Variants in EVI5 observed in about 807,000 individuals in gnomAD.
EVI5 encodes the protein ecotropic viral integration site 5 protein homolog.
A neutral mutation model predicts 112.0 loss-of-function variants in EVI5; 73 were observed. The ratio of observed to expected loss-of-function variants is 0.65; its 90% CI spans 0.54 to 0.79. EVI5 has a LOEUF of 0.79. EVI5 is among the 30% of genes least tolerant of loss of function. The probability of loss-of-function intolerance (pLI) is 0.00; values close to 1 mark genes in which losing one functional copy is unlikely to be tolerated. For synonymous variants in EVI5, 305 were observed against 319.9 expected (o/e 0.95, Z 0.50); for missense variants, 900 against 968.8 (o/e 0.93, Z 0.94).
At chr1:92,593,839 A>T (rs1441554791) in intron 18 of EVI5, among the ~76,000 whole-genome samples, 1 of 152,208 alleles carries the variant, frequency 6.6e-6, no homozygotes, top group Non-Finnish European at 1.5e-5. Flanking sequence ...AAGAGAATAA[A>T]ATACCTAGGA....
At chr1:92,716,903 C>T (rs1276228024) in intron 2 of EVI5, among the ~76,000 whole-genome samples, 1 of 151,252 alleles carries the variant, frequency 6.6e-6, no homozygotes, top group Non-Finnish European at 1.5e-5. Context: ...TCCTCGCCAG[C>T]AACGGAACAA....
At chr1:92,526,363 A>G (rs1661884170) in intron 19 of EVI5, among the ~76,000 whole-genome samples, 1 of 152,222 alleles carries the variant, frequency 6.6e-6, no homozygotes, top group Non-Finnish European at 1.5e-5. Context: ...CCAGCCACCA[A>G]TTATTCTTTC....
At chr1:92,729,728 G>A (rs915968414) in intron 2 of EVI5, among the ~76,000 whole-genome samples, 4 of 152,064 alleles carry the variant, frequency 2.6e-5, no homozygotes, top group Non-Finnish European at 5.9e-5. Context: ...ATAGTTATAT[G>A]TATTTTTTAT....
At position 92,704,669 on chromosome 1, in the gene EVI5, C is replaced by T. The variant is rs940838954; in HGVS notation, c.225G>A (p.Ser75=). 6.2e-7 allele frequency: 1 copy of T among 1,604,654 alleles called. No individual in the cohort carries two copies. The highest frequency in any genetic ancestry group is 8.5e-7 in the Non-Finnish European group (1 of 1,173,888). ...TGAGGTTGCTAGAGGCTGATGAACT[C>T]GACACAAGAGAAGAGCCACTGTTTC... is the stretch of plus-strand genomic sequence containing the variant. ...SRRNSGSSLV[S]SSSASSNLSH... is the part of the protein sequence containing the mutation. Residue 75 remains serine (S), a synonymous_variant, in exon 3 of 20, where the codon TCG becomes TCA. Transcript: ENST00000684568.
chr1:92,792,388 T>C, exon 1 of EVI5: 1 of 1,609,914 alleles, frequency 6.2e-7, no homozygotes, highest in East Asian at 2.2e-5. Context: ...ATTTTGTTGG[T>C]AACCATGATA....
intron 19 of EVI5, among the ~76,000 whole-genome samples, chr1:92,549,802 C>T (rs1037145266): frequency 3.9e-5 from 6 of 152,140 alleles, no homozygotes; most frequent in African/African-American, 1.4e-4. Context: ...CAGTGAGACA[C>T]CATCTCACAC....
chr1:92,624,174 A>G lies in EVI5; in HGVS notation c.1827+2T>C, dbSNP rs200657241. On this transcript the variant is annotated splice_donor_variant, in intron 16 of 19. Transcript: ENST00000684568. LOFTEE classifies it high-confidence loss of function. ...TAAAGATACTGGGCTTTCCCATCAT[A>G]CCTGTGTTTCCATTTCCATCATCCT... is the stretch of plus-strand genomic sequence containing the variant. 2.5e-5 allele frequency: 41 copies of G among 1,612,236 alleles called. No individual in the cohort carries two copies. The highest frequency in any genetic ancestry group is 3.3e-5 in the Non-Finnish European group (39 of 1,178,792).
chr1:92,665,150 A>G (rs1664670651), intron 11 of EVI5, among the ~76,000 whole-genome samples: 1 of 152,194 alleles, frequency 6.6e-6, no homozygotes, highest in Non-Finnish European at 1.5e-5. Context: ...GGCTGCAGTG[A>G]GCCAAGATTG....
chr1:92,781,592 T>TA (rs1021102903), intron 1 of EVI5, among the ~76,000 whole-genome samples: 1 of 151,922 alleles, frequency 6.6e-6, no homozygotes, highest in Non-Finnish European at 1.5e-5. Context: ...ATTGATTTCT[T>TA]AAATAGGACA....
chr1:92,541,467 T>C lies in EVI5; in HGVS notation c.2166+22175A>G, dbSNP rs191739110. ...CTTAATCGAAAAAATAAATAATAAA[T>C]GTTAGTAAGAATGTGGATAAATCAA... On this transcript the variant is annotated intron_variant, in intron 19 of 19. Transcript: ENST00000684568. Among the ~76,000 whole-genome samples, 259 of 152,208 alleles carry C rather than the reference T, an allele frequency of 1.7e-3. 2 individuals carry two copies. The highest frequency in any genetic ancestry group is 0.01 in the Middle Eastern group (3 of 294).
intron 16 of EVI5, among the ~76,000 whole-genome samples, chr1:92,610,169 G>A (rs1026204287): frequency 6.6e-6 from 1 of 152,200 alleles, no homozygotes; most frequent in African/African-American, 2.4e-5. Context: ...TCACAGGCAT[G>A]AGTCACTGCA....
chr1:92,681,218 G>T (rs143192968), intron 9 of EVI5, among the ~76,000 whole-genome samples: 1 of 152,122 alleles, frequency 6.6e-6, no homozygotes, highest in Non-Finnish European at 1.5e-5. Context: ...TATGTTAAAG[G>T]AGAGAAAAGT....
At chr1:92,682,941 T>C (rs1016792951) in intron 9 of EVI5, among the ~76,000 whole-genome samples, 8 of 152,188 alleles carry the variant, frequency 5.3e-5, no homozygotes, top group African/African-American at 1.7e-4. Flanking sequence ...AGTGTAAATA[T>C]AGTTAAAAAG....
At position 92,539,560 on chromosome 1, in the gene EVI5, A is replaced by AAACC. The variant is rs1553174064; in HGVS notation, c.2166+24081_2166+24082insGGTT. ...TCCATCTCAAAAAAAAAAAAAAAAA[A>AAACC]AAAAAATCTTGAACCCATTCTCCCA... On this transcript the variant is annotated intron_variant, in intron 19 of 19. Transcript: ENST00000684568. Among the ~76,000 whole-genome samples, 95 of 137,676 alleles carry AAACC rather than the reference A, an allele frequency of 6.9e-4. 6 individuals are homozygous for AAACC. Among genetic ancestry groups the AAACC allele is most frequent in the African/African-American group, 1.0e-3 (37 of 36,670 alleles). 90.3% of individuals were successfully genotyped at this position (137,676 alleles called of 152,430 possible).
chr1:92,573,756 G>C lies in EVI5; in HGVS notation c.2071-10019C>G, dbSNP rs559991809. The stretch of plus-strand genomic sequence containing the variant: ...AATTTTGAACTCAAATCCCCTTCTT[G>C]GTTAACCCAGCTCTCAAGCAGAAAA... On this transcript the variant is annotated intron_variant, in intron 18 of 19. Coordinates refer to ENST00000684568, the MANE Select transcript of EVI5 (RefSeq NM_001350197.2). Among the ~76,000 whole-genome samples the C allele has an allele frequency of 6.1e-4, 92 of 152,042 alleles. 2 individuals are homozygous for C. Among genetic ancestry groups the C allele is most frequent in the East Asian group, 1.5e-3 (8 of 5,166 alleles).
intron 18 of EVI5, among the ~76,000 whole-genome samples, chr1:92,589,531 C>CT (rs1285253085): frequency 6.6e-6 from 1 of 152,180 alleles, no homozygotes; most frequent in African/African-American, 2.4e-5. Context: ...GCACAGCAGT[C>CT]TGAGATCAAA....
intron 13 of EVI5, among the ~76,000 whole-genome samples, chr1:92,643,777 A>G (rs1230826322): frequency 6.6e-6 from 1 of 152,208 alleles, no homozygotes; most frequent in Admixed American, 6.5e-5. Flanking sequence ...TTCTATTGTA[A>G]CATAACTATA....
chr1:92,777,733 C>A (rs1403485943), intron 1 of EVI5, among the ~76,000 whole-genome samples: 1 of 152,154 alleles, frequency 6.6e-6, no homozygotes, highest in Admixed American at 6.5e-5. Flanking sequence ...ACACACACAT[C>A]TAATTTTGCT....
intron 1 of EVI5, among the ~76,000 whole-genome samples, chr1:92,769,718 T>TA (rs1158792081): frequency 2.0e-5 from 3 of 151,648 alleles, no homozygotes; most frequent in South Asian, 2.1e-4. Flanking sequence ...TCGTCTCTAC[T>TA]AAAAAAAATA....
Sources: gnomAD v4.1 joint callset for allele counts (sites outside exome capture counted in the v4.1 genomes callset) on GRCh38, gnomAD v4.1.1 for gene constraint, MANE v1.5 for transcripts, NCBI Gene and HGNC (gene_info 2026-07-23, HGNC 2026-07-21) for gene names.